Variants in HNF1A observed in about 807,000 individuals in gnomAD.
HNF1A encodes HNF1 homeobox A.
A neutral mutation model predicts 62.2 loss-of-function variants in HNF1A; 21 were observed. That is an observed-to-expected ratio of 0.34 (90% confidence interval 0.24 to 0.49). The LOEUF is 0.49. Ranked by LOEUF, HNF1A falls within the 20% of genes least tolerant of loss-of-function variation. HNF1A has a pLI of 0.99. For missense variants in HNF1A, 687 were observed against 832.3 expected (o/e 0.83, Z 2.15); for synonymous variants, 374 against 366.8 (o/e 1.02, Z -0.22).
chr12:120,982,782 T>G (rs1876319986), intron 1 of HNF1A, among the ~76,000 whole-genome samples: 1 of 152,176 alleles, frequency 6.6e-6, no homozygotes, highest in Non-Finnish European at 1.5e-5. Flanking sequence ...GACTTGGACC[T>G]GGGTCCTCCT....
chr12:120,992,245 TCAGA>T (rs1156735178), intron 2 of HNF1A, among the ~76,000 whole-genome samples: 2 of 152,226 alleles, frequency 1.3e-5, no homozygotes, highest in African/African-American at 2.4e-5. Context: ...GGCTTCATTC[TCAGA>T]CAGGCTCTCC....
Position 120,978,707 on chromosome 12 carries a change from C to G in HNF1A, c.-62C>G, listed in dbSNP as rs753567412. The G allele has an allele frequency of 1.2e-4, 181 of 1,515,550 alleles. 1 individual carries two copies. The highest frequency in any genetic ancestry group is 1.6e-4 in the Non-Finnish European group (175 of 1,094,398). 93.9% of individuals were successfully genotyped at this position (1,515,550 alleles called of 1,614,324 possible). A position where few individuals can be genotyped will look rare whatever the true frequency, so the allele number is the denominator to read the frequency against. On this transcript the variant is annotated 5_prime_UTR_variant, in exon 1 of 10. Coordinates refer to ENST00000257555, the MANE Select transcript of HNF1A (RefSeq NM_000545.8). ...CCGGCCGGCAGGCAAACGCAACCCA[C>G]GCGGTGGGGGAGGCGGCTAGCGTGG...
intron 1 of HNF1A, among the ~76,000 whole-genome samples, chr12:120,982,312 C>T (rs1287350482): frequency 1.3e-5 from 2 of 152,052 alleles, no homozygotes; most frequent in East Asian, 1.9e-4. Flanking sequence ...TCAGGTGATC[C>T]GCCCGCCTCG....
chr12:121,000,710 G>C (rs1877399028), intron 9 of HNF1A: 1 of 353,890 alleles, frequency 2.8e-6, no homozygotes, highest in Admixed American at 3.9e-5. Flanking sequence ...AAAGCCAACT[G>C]ATTGTGGCAT....
At chr12:120,986,819 C>T (rs1433134315) in intron 1 of HNF1A, among the ~76,000 whole-genome samples, 3 of 152,136 alleles carry the variant, frequency 2.0e-5, no homozygotes, top group Admixed American at 6.6e-5. Flanking sequence ...GAACTCCTAA[C>T]CTCAAAAGAC....
In HNF1A at chr12:120,997,945, T is replaced by C. The variant is rs373150562; in HGVS notation, c.1501+280T>C. ...GCATGCCTGTGTTTCTCTGAAACTC[T>C]TAGGGCCATATGAATTTCTAAAATC... On this transcript the variant is annotated intron_variant, in intron 7 of 9. Coordinates refer to ENST00000257555, the MANE Select transcript of HNF1A (RefSeq NM_000545.8). The C allele has an allele frequency of 6.5e-5, 41 of 633,642 alleles. No homozygotes were observed. The African/African-American group carries it at 6.7e-4, about 10-fold the overall frequency. 39.3% of individuals were successfully genotyped at this position (633,642 alleles called of 1,614,324 possible).
intron 4 of HNF1A, among the ~76,000 whole-genome samples, chr12:120,994,936 CTCCACTCCATCCAT>C (rs1388895034): frequency 6.6e-6 from 1 of 151,022 alleles, no homozygotes; most frequent in Non-Finnish European, 1.5e-5. Context: ...ACTCCATCCA[CTCCACTCCATCCAT>C]TCCCTCCAAC....
intron 7 of HNF1A, chr12:120,998,440 A>C (rs770785789): frequency 6.4e-6 from 1 of 155,524 alleles, no homozygotes; most frequent in Non-Finnish European, 1.4e-5. Context: ...TCATAACCTC[A>C]TACCAGGTTC....
In HNF1A at chr12:120,978,790, C is replaced by T; in HGVS notation, c.22C>T (p.Leu8=). The change falls in exon 1 of 10, where the codon CTG becomes TTG. Residue 8 remains leucine (L), a synonymous_variant. Coordinates refer to ENST00000257555, the MANE Select transcript of HNF1A (RefSeq NM_000545.8). ...AGCCATGGTTTCTAAACTGAGCCAG[C>T]TGCAGACGGAGCTCCTGGCGGCCCT... is the stretch of plus-strand genomic sequence containing the variant. MVSKLSQ[L]QTELLAALLE... is the part of the protein sequence containing the mutation. 1 of 1,613,084 alleles carries T rather than the reference C, an allele frequency of 6.2e-7. No homozygotes were observed. The highest frequency in any genetic ancestry group is 8.5e-7 in the Non-Finnish European group (1 of 1,179,892).
chr12:121,000,117 G>A (rs997747946), intron 9 of HNF1A, among the ~76,000 whole-genome samples: 1 of 152,186 alleles, frequency 6.6e-6, no homozygotes, highest in Non-Finnish European at 1.5e-5. Flanking sequence ...ACTCACATCG[G>A]CTCCAATGAC....
rs530912397 is a variant in HNF1A, at chr12:121,001,673, CACTCCTTCCTGCCCCA to C, written c.*491_*506del. 7.1e-5 allele frequency: 33 copies of C among 466,376 alleles called. 1 individual carries two copies. Among genetic ancestry groups the C allele is most frequent in the South Asian group, 3.2e-4 (17 of 53,544 alleles). 28.9% of individuals were successfully genotyped at this position (466,376 alleles called of 1,614,324 possible). The stretch of plus-strand genomic sequence containing the variant: ...TCTGTCACCAATGTACCCACCGGGC[CACTCCTTCCTGCCCCA>C]ACTCCTTCCAGCTAGTGACCCACAT... On this transcript the variant is annotated 3_prime_UTR_variant, in exon 10 of 10. Coordinates refer to ENST00000257555, the MANE Select transcript of HNF1A (RefSeq NM_000545.8).
intron 1 of HNF1A, among the ~76,000 whole-genome samples, chr12:120,980,029 G>C (rs1414649727): frequency 6.6e-6 from 1 of 152,114 alleles, no homozygotes; most frequent in Non-Finnish European, 1.5e-5. Context: ...GCGGCTCCCT[G>C]ACCTCCACCC....
In HNF1A at chr12:121,001,751, C is replaced by A. The variant is rs11612393; in HGVS notation, c.*559C>A. The stretch of plus-strand genomic sequence containing the variant: ...TGACCCCATCACCTACTCACACAGG[C>A]ATTTCCTGGGTGGCTACTCTGTGCC... On this transcript the variant is annotated 3_prime_UTR_variant, in exon 10 of 10. Coordinates refer to ENST00000257555, the MANE Select transcript of HNF1A (RefSeq NM_000545.8). The A allele has an allele frequency of 1.5e-4, 78 of 533,862 alleles. No homozygotes were observed. The highest frequency in any genetic ancestry group is 2.4e-4 in the Non-Finnish European group (65 of 275,360). The allele number at this position is 533,862 out of a possible 1,614,324, so 33.1% of individuals were successfully genotyped here.
chr12:120,979,471 A>C, intron 1 of HNF1A: 2 of 243,904 alleles, frequency 8.2e-6, no homozygotes, highest in African/African-American at 2.2e-5. Context: ...CCAGACCCTA[A>C]CTCCTGCACT....
In HNF1A at chr12:120,994,395, TA is replaced by T; in HGVS notation, c.947del (p.Lys316ArgfsTer26). Reference protein sequence around the residue: ...GLPPPALSPSKVHGVRYGQPA... With the variant: ...GLPPPALSPSXVHGVRYGQPA... ...TGCCTCCACCTGCCCTCTCCCCCAG[TA>T]AGGTCCACGGTAAGTGGTATGTGGG... On this transcript the variant is annotated frameshift_variant, in exon 4 of 10. Transcript: ENST00000257555. LOFTEE classifies it high-confidence loss of function. The T allele has an allele frequency of 6.3e-7, 1 of 1,590,262 alleles. No homozygotes were observed. The highest frequency in any genetic ancestry group is 8.6e-7 in the Non-Finnish European group (1 of 1,167,986).
At chr12:120,994,096 C>T in intron 3 of HNF1A, 68 bp from the exon 4 acceptor site, 6 of 1,576,066 alleles carry the variant, frequency 3.8e-6, no homozygotes, top group Non-Finnish European at 5.2e-6. Flanking sequence ...TCAGAACCCT[C>T]CCCTTCATGC....
chr12:120,990,185 A>C (rs1046759202), intron 2 of HNF1A, among the ~76,000 whole-genome samples: 1 of 151,980 alleles, frequency 6.6e-6, no homozygotes, highest in Non-Finnish European at 1.5e-5. Flanking sequence ...TCTGTTGCCC[A>C]GGCTGGAGTG....
At chr12:120,994,028 G>C (rs1876958517) in intron 3 of HNF1A, 136 bp from the exon 4 acceptor site, 12 of 1,188,020 alleles carry the variant, frequency 1.0e-5, no homozygotes, top group Non-Finnish European at 1.5e-5. Context: ...TCACACAGCA[G>C]ACCTGGCATT....
chr12:120,987,474 CA>C (rs59729082), intron 1 of HNF1A, among the ~76,000 whole-genome samples: 12,069 of 62,176 alleles, frequency 0.19, 602 homozygotes, highest in African/African-American at 0.31. Context: ...GACTCCATCT[CA>C]AAAAAAAAAA....
Sources: allele counts gnomAD v4.1 joint callset (sites outside exome capture counted in the v4.1 genomes callset), GRCh38; gene constraint gnomAD v4.1.1; transcripts MANE v1.5; gene names NCBI Gene and HGNC (gene_info 2026-07-23, HGNC 2026-07-21).